The following ERN1 variants were observed in gnomAD, a reference collection of about 807,000 sequenced individuals.
ERN1 encodes endoplasmic reticulum to nucleus signaling 1.
A neutral mutation model predicts 113.1 loss-of-function variants in ERN1; 39 were observed. The observed-to-expected ratio is 0.34, with a 90% confidence interval of 0.27 to 0.45. ERN1 has a LOEUF of 0.45. Ranked by LOEUF, ERN1 falls within the 20% of genes least tolerant of loss-of-function variation. The pLI is 1.00. For missense variants in ERN1, 976 were observed against 1,274.8 expected (o/e 0.77, Z 3.57); for synonymous variants, 507 against 515.9 (o/e 0.98, Z 0.23).
chr17:64,087,603 C>T (rs1215808049), intron 2 of ERN1, among the ~76,000 whole-genome samples: 1 of 152,104 alleles, frequency 6.6e-6, no homozygotes, highest in East Asian at 1.9e-4. Context: ...GGGATTACCC[C>T]GCATTGATAA....
chr17:64,105,643 T>C (rs1054650922), intron 1 of ERN1, among the ~76,000 whole-genome samples: 1 of 152,164 alleles, frequency 6.6e-6, no homozygotes, highest in African/African-American at 2.4e-5. Context: ...TTATATTGCA[T>C]AATCCCAACT....
intron 11 of ERN1, 48 bp from the exon 12 acceptor site, chr17:64,058,041 T>TA (rs760748968): frequency 7.1e-7 from 1 of 1,399,532 alleles, no homozygotes; most frequent in African/African-American, 1.4e-5. Flanking sequence ...TCTAGCCAGA[T>TA]ACAGATGAGG....
In ERN1 at chr17:64,066,901, C is replaced by A; in HGVS notation, c.612G>T (p.Gly204=). The A allele has an allele frequency of 1.2e-6, 2 of 1,613,898 alleles. No individual in the cohort carries two copies. Among genetic ancestry groups the A allele is most frequent in the East Asian group, 2.2e-5 (1 of 44,884 alleles). ...ATTCACTGTCCACAGTCACCACCAG[C>A]CCATCACCATTGGACACAAAGTGGG... The part of the protein sequence containing the change: ...KMSHFVSNGD[G]LVVTVDSESG... Residue 204 remains glycine (G), a synonymous_variant, in exon 8 of 22, where the codon GGG becomes GGT. Transcript: ENST00000433197.
At chr17:64,091,414 C>A (rs1914085507) in intron 2 of ERN1, among the ~76,000 whole-genome samples, 1 of 152,210 alleles carries the variant, frequency 6.6e-6, no homozygotes, top group African/African-American at 2.4e-5. Flanking sequence ...GAGTCAGCAT[C>A]AAGTGCCTTG....
chr17:64,072,700 C>T (rs934596582), intron 5 of ERN1, among the ~76,000 whole-genome samples: 8 of 152,246 alleles, frequency 5.3e-5, no homozygotes, highest in African/African-American at 1.9e-4. Flanking sequence ...GGGCCATACC[C>T]CCTAATCTTG....
intron 1 of ERN1, among the ~76,000 whole-genome samples, chr17:64,120,744 C>T (rs1396856924): frequency 1.3e-5 from 2 of 152,110 alleles, no homozygotes; most frequent in Non-Finnish European, 2.9e-5. Context: ...CTATGGGTCA[C>T]GTCCACCCAA....
intron 7 of ERN1, 168 bp from the exon 8 acceptor site, chr17:64,067,100 C>G: frequency 1.4e-6 from 1 of 701,686 alleles, no homozygotes; most frequent in Non-Finnish European, 2.4e-6. Flanking sequence ...CTCGCTTAGT[C>G]TCTGTAATAT....
At chr17:64,047,184 C>G (rs1015043418) in intron 19 of ERN1, among the ~76,000 whole-genome samples, 5 of 152,072 alleles carry the variant, frequency 3.3e-5, no homozygotes, top group African/African-American at 4.8e-5. Context: ...CATGGTGAAA[C>G]CCCATCTCTA....
rs1942108549 is a variant in ERN1 at position 64,045,103 on chromosome 17, C to A, written c.2654-176G>T. 2.6e-5 allele frequency among the ~76,000 whole-genome samples: 4 copies of A among 152,156 alleles called. No individual in the cohort carries two copies. The South Asian group carries it at 8.3e-4, about 32-fold the overall frequency. ...ACCCAAGGGTGGTATCCCCCTGAAC[C>A]CCACCTGGTGATCACACCCAGGTCA... On this transcript the variant is annotated intron_variant, in intron 20 of 21. Transcript: ENST00000433197.
chr17:64,087,283 C>T (rs1651346304), intron 2 of ERN1, among the ~76,000 whole-genome samples: 2 of 152,172 alleles, frequency 1.3e-5, no homozygotes, highest in African/African-American at 4.8e-5. Flanking sequence ...TCAGAACTGC[C>T]ACTGTCAAGT....
At chr17:64,073,427 G>A (rs1375188387) in intron 5 of ERN1, among the ~76,000 whole-genome samples, 3 of 148,378 alleles carry the variant, frequency 2.0e-5, no homozygotes, top group Non-Finnish European at 4.4e-5. Flanking sequence ...CACCCAACTC[G>A]GCCTCCCAAA....
intron 1 of ERN1, 111 bp downstream of exon 1, chr17:64,129,862 GGCC>G: frequency 9.7e-7 from 1 of 1,030,528 alleles, no homozygotes; most frequent in Non-Finnish European, 1.3e-6. Flanking sequence ...CGGGGCATCT[GGCC>G]GCCGCCGTCG....
chr17:64,063,549 G>C lies in ERN1; in HGVS notation c.1087+437C>G, dbSNP rs1005530955. Among the ~76,000 whole-genome samples the C allele has an allele frequency of 2.0e-5, 3 of 152,040 alleles. No individual in the cohort carries two copies. The highest frequency in any genetic ancestry group is 6.6e-5 in the Admixed American group (1 of 15,256). On this transcript the variant is annotated intron_variant, in intron 10 of 21. Transcript: ENST00000433197. The surrounding 1 kb of genome is among the most constrained non-coding windows in gnomAD (Gnocchi z 5.1). ...CATCCTGGGATTTAATCCCTCCCGG[G>C]TCCTCAGCCCTCGCCTCTCCAACCC...
At position 64,041,872 on chromosome 17, in the gene ERN1, C is replaced by G. The variant is rs1175642436; in HGVS notation, c.*2116G>C. ...CATTGAATAAATGATTTTGAGAAAT[C>G]TGCGTGGTTAGAAACTAGTATGATA... On this transcript the variant is annotated 3_prime_UTR_variant, in exon 22 of 22. Coordinates refer to ENST00000433197, the MANE Select transcript of ERN1 (RefSeq NM_001433.5). 1 of 152,154 alleles carries G rather than the reference C, an allele frequency of 6.6e-6. No homozygotes were observed. Among genetic ancestry groups the G allele is most frequent in the Non-Finnish European group, 1.5e-5 (1 of 68,044 alleles). The allele number at this position is 152,154 out of a possible 1,614,324, so 9.4% of individuals were successfully genotyped here. A position where few individuals can be genotyped will look rare whatever the true frequency, so the allele number is the denominator to read the frequency against.
In ERN1 at chr17:64,041,058, G is replaced by C. The variant is rs1231033318; in HGVS notation, c.*2930C>G. ...AGCTACTCGGGAGGCTGAGGCAGGA[G>C]AATTGCTTGAACCAAGGAGGCGGAG... On this transcript the variant is annotated 3_prime_UTR_variant, in exon 22 of 22. Coordinates refer to ENST00000433197, the MANE Select transcript of ERN1 (RefSeq NM_001433.5). The C allele has an allele frequency of 6.6e-6, 1 of 152,306 alleles. No homozygotes were observed. Among genetic ancestry groups the C allele is most frequent in the East Asian group, 1.9e-4 (1 of 5,200 alleles). 9.4% of individuals were successfully genotyped at this position (152,306 alleles called of 1,614,324 possible).
chr17:64,086,363 C>G lies in ERN1; in HGVS notation c.176-5555G>C, dbSNP rs76593646. 2.4e-3 allele frequency among the ~76,000 whole-genome samples: 364 copies of G among 152,156 alleles called. 4 individuals carry two copies. The highest frequency in any genetic ancestry group is 0.015 in the Admixed American group (231 of 15,290). On this transcript the variant is annotated intron_variant, in intron 2 of 21. Transcript: ENST00000433197. ...TTTGTTCTAAAATTTCACAAATGAC[C>G]ACGTCATAGATACTCATTTGTGCCT...
Position 64,130,064 on chromosome 17 carries a change from G to C in ERN1, c.-35C>G. The C allele has an allele frequency of 7.3e-7, 1 of 1,364,288 alleles. No individual in the cohort carries two copies. The highest frequency in any genetic ancestry group is 9.4e-7 in the Non-Finnish European group (1 of 1,065,618). 84.5% of individuals were successfully genotyped at this position (1,364,288 alleles called of 1,614,324 possible). On this transcript the variant is annotated 5_prime_UTR_variant, in exon 1 of 22. Transcript: ENST00000433197. This position sits in a 1 kb window ranked among gnomAD's most constrained non-coding sequence, Gnocchi z 4.0. ...TCGGCCCTGGCTCCGGGGGCGGTAC[G>C]GACAGAGGACGGGGCGGGGGCGCCG...
intron 1 of ERN1, among the ~76,000 whole-genome samples, chr17:64,126,078 G>GA (rs895675153): frequency 6.6e-4 from 97 of 147,300 alleles, no homozygotes; most frequent in African/African-American, 1.3e-3. Flanking sequence ...AGATAGAAAG[G>GA]AAAAAAAAAA....
chr17:64,049,434 CCT>C lies in ERN1; in HGVS notation c.2254-234_2254-233del, dbSNP rs1455248377. Among the ~76,000 whole-genome samples the C allele has an allele frequency of 6.6e-6, 1 of 152,124 alleles. No homozygotes were observed. The highest frequency in any genetic ancestry group is 6.5e-5 in the Admixed American group (1 of 15,278). On this transcript the variant is annotated intron_variant, in intron 17 of 21. Coordinates refer to ENST00000433197, the MANE Select transcript of ERN1 (RefSeq NM_001433.5). This position sits in a 1 kb window ranked among gnomAD's most constrained non-coding sequence, Gnocchi z 4.7. The stretch of plus-strand genomic sequence containing the variant: ...GGAGCCACCTGGAAGCCCCTGGTTC[CCT>C]CTCATGTGAGATGAGGACACTGACA...
Sources: allele counts gnomAD v4.1 joint callset (sites outside exome capture counted in the v4.1 genomes callset), GRCh38; gene constraint gnomAD v4.1.1; non-coding constraint Gnocchi (gnomAD v3.1); transcripts MANE v1.5; gene names NCBI Gene and HGNC (gene_info 2026-07-23, HGNC 2026-07-21).